The following ELMO1 variants were observed in gnomAD, a reference collection of about 807,000 sequenced individuals.
ELMO1 encodes engulfment and cell motility protein 1.
In ELMO1, 26 loss-of-function variants were observed where a neutral mutation model predicts 98.9. The observed-to-expected ratio is 0.26, with a 90% CI of 0.19 to 0.36. ELMO1 has a LOEUF of 0.36. ELMO1 is among the 10% of genes least tolerant of loss of function. The probability of loss-of-function intolerance (pLI) is 1.00; values close to 1 mark genes in which losing one functional copy is unlikely to be tolerated. For missense variants in ELMO1, 627 were observed against 935.2 expected (o/e 0.67, Z 4.30); for synonymous variants, 346 against 346.0 (o/e 1.00, Z 0.00).
chr7:37,161,905 AATAT>A (rs6150082), intron 13 of ELMO1, among the ~76,000 whole-genome samples: 1,373 of 42,440 alleles, frequency 0.032, 227 homozygotes, highest in Middle Eastern at 0.045. Flanking sequence ...CAGGTAATCA[AATAT>A]ATATATATAT....
chr7:36,994,876 C>CACT (rs1399731337), intron 16 of ELMO1, among the ~76,000 whole-genome samples: 1 of 152,174 alleles, frequency 6.6e-6, no homozygotes, highest in Admixed American at 6.5e-5. Flanking sequence ...AGATGCTGGG[C>CACT]ACTAGCTGGG....
chr7:37,184,476 T>A lies in ELMO1; in HGVS notation c.1086+26910A>T, dbSNP rs77540618. ...AGACACTTGTTGATATGGGCTCCTG[T>A]AATTGCTCTACACGGTCAAGGCCAA... On this transcript the variant is annotated intron_variant, in intron 13 of 21. Transcript: ENST00000310758. 3.0e-3 allele frequency among the ~76,000 whole-genome samples: 451 copies of A among 152,214 alleles called. 4 individuals carry two copies. Among genetic ancestry groups the A allele is most frequent in the African/African-American group, 0.01 (419 of 41,510 alleles).
chr7:36,892,468 G>A (rs1805641995), intron 17 of ELMO1, among the ~76,000 whole-genome samples: 1 of 152,170 alleles, frequency 6.6e-6, no homozygotes, highest in African/African-American at 2.4e-5. Context: ...GTGACAGAGG[G>A]AGACCAAGTG....
At chr7:37,069,394 CA>C (rs1797153350) in intron 15 of ELMO1, among the ~76,000 whole-genome samples, 1 of 152,122 alleles carries the variant, frequency 6.6e-6, no homozygotes, top group Non-Finnish European at 1.5e-5. Context: ...CTGATAAAGT[CA>C]AAACAAATCC....
At chr7:37,201,051 G>C (rs915405072) in intron 13 of ELMO1, among the ~76,000 whole-genome samples, 25 of 152,176 alleles carry the variant, frequency 1.6e-4, no homozygotes, top group Middle Eastern at 6.8e-3. Context: ...AGGCTCGAAT[G>C]CTCCCTACCA....
chr7:36,870,515 T>A lies in ELMO1; in HGVS notation c.1823-40A>T. ...AGAAAATGCAAGTAACTACACCATG[T>A]GAAAACTTTGATGTCAATAAAGAAA... On this transcript the variant is annotated intron_variant, in intron 19 of 21. Coordinates refer to ENST00000310758, the MANE Select transcript of ELMO1 (RefSeq NM_014800.11). The surrounding 1 kb of genome is among the most constrained non-coding windows in gnomAD (Gnocchi z 4.4). 2 of 1,594,658 alleles carry A rather than the reference T, an allele frequency of 1.3e-6. No homozygotes were observed. The highest frequency in any genetic ancestry group is 1.7e-6 in the Non-Finnish European group (2 of 1,167,472).
intron 14 of ELMO1, among the ~76,000 whole-genome samples, chr7:37,118,407 A>G (rs1157721617): frequency 6.6e-6 from 1 of 152,232 alleles, no homozygotes; most frequent in African/African-American, 2.4e-5. Flanking sequence ...AAACTGGGAA[A>G]CATGCCTTTT....
chr7:37,369,270 G>GT (rs1186691441), intron 1 of ELMO1, among the ~76,000 whole-genome samples: 1 of 152,058 alleles, frequency 6.6e-6, no homozygotes, highest in Non-Finnish European at 1.5e-5. Context: ...GACCAGAAGT[G>GT]TTTCAGATTT....
In ELMO1 at chr7:36,854,446, A is replaced by C. The variant is rs185419599; in HGVS notation, c.*1105T>G. The C allele has an allele frequency of 7.2e-5, 11 of 152,532 alleles. No individual in the cohort carries two copies. The highest frequency in any genetic ancestry group is 6.2e-4 in the South Asian group (3 of 4,810). The allele number at this position is 152,532 out of a possible 1,614,324, so 9.4% of individuals were successfully genotyped here. On this transcript the variant is annotated 3_prime_UTR_variant, in exon 22 of 22. Transcript: ENST00000310758. ...TTGGGATTAAAATAATTAAAAAAAAACTGGAAATTCACACATTTATGTATC... is the reference window on the plus strand; with the variant it reads ...TTGGGATTAAAATAATTAAAAAAAACCTGGAAATTCACACATTTATGTATC...
At chr7:37,196,310 C>T (rs1349167590) in intron 13 of ELMO1, among the ~76,000 whole-genome samples, 2 of 152,208 alleles carry the variant, frequency 1.3e-5, no homozygotes, top group African/African-American at 4.8e-5. Flanking sequence ...AACACTGGCC[C>T]TGCCACTTGC....
At chr7:37,199,909 T>TTGAGTTATC (rs1007655879) in intron 13 of ELMO1, among the ~76,000 whole-genome samples, 119 of 152,270 alleles carry the variant, frequency 7.8e-4, no homozygotes, top group African/African-American at 2.7e-3. Context: ...CCACGAGACC[T>TTGAGTTATC]TGAGTTATCT....
Position 37,057,789 on chromosome 7 carries a change from T to C in ELMO1, c.1300+38830A>G, listed in dbSNP as rs1796464968. ...TTCCAAGCTTCATCTAAAAATTGGG[T>C]TTAGAGGAGGGGAGTACTGGCAGTT... On this transcript the variant is annotated intron_variant, in intron 15 of 21. Transcript: ENST00000310758. 2.0e-5 allele frequency among the ~76,000 whole-genome samples: 3 copies of C among 152,204 alleles called. No homozygotes were observed. In the South Asian group the frequency reaches 6.2e-4, roughly 32 times the overall value.
intron 4 of ELMO1, 150 bp from the exon 5 acceptor site, chr7:37,272,032 TTCTA>T (rs1479441472): frequency 3.0e-6 from 2 of 677,724 alleles, no homozygotes; most frequent in Non-Finnish European, 4.9e-6. Context: ...GCTGTTAACT[TTCTA>T]TCTGACAATA....
chr7:36,975,750 G>A (rs886186480), intron 16 of ELMO1, among the ~76,000 whole-genome samples: 3 of 150,992 alleles, frequency 2.0e-5, no homozygotes, highest in Admixed American at 1.3e-4. Context: ...GGGAGGCTAA[G>A]GCAGGAGAAT....
chr7:37,371,321 C>A (rs1313379777), intron 1 of ELMO1, among the ~76,000 whole-genome samples: 28 of 152,174 alleles, frequency 1.8e-4, no homozygotes, highest in Admixed American at 1.8e-3. Flanking sequence ...GTATTGCTAG[C>A]ATTCTATTTC....
intron 14 of ELMO1, among the ~76,000 whole-genome samples, chr7:37,126,161 T>C (rs1214052689): frequency 6.8e-6 from 1 of 147,694 alleles, no homozygotes; most frequent in South Asian, 2.2e-4. Context: ...GTGGGAGGAG[T>C]GGGGAGGGAT....
chr7:37,209,160 T>C (rs1216343200), intron 13 of ELMO1, among the ~76,000 whole-genome samples: 1 of 152,168 alleles, frequency 6.6e-6, no homozygotes, highest in Non-Finnish European at 1.5e-5. Flanking sequence ...TGTACTCTGA[T>C]TTTGGAATAC....
At chr7:36,937,781 T>C (rs1786676287) in intron 16 of ELMO1, among the ~76,000 whole-genome samples, 1 of 152,226 alleles carries the variant, frequency 6.6e-6, no homozygotes. Context: ...GTTTGCTCAG[T>C]CTTTTTATTT....
intron 4 of ELMO1, among the ~76,000 whole-genome samples, chr7:37,311,857 G>A (rs1426336636): frequency 6.6e-6 from 1 of 152,144 alleles, no homozygotes; most frequent in Non-Finnish European, 1.5e-5. Flanking sequence ...CAGACTTTGT[G>A]GCCAGTCCTT....
Sources: allele counts gnomAD v4.1 joint callset (sites outside exome capture counted in the v4.1 genomes callset), GRCh38; gene constraint gnomAD v4.1.1; non-coding constraint Gnocchi (gnomAD v3.1); transcripts MANE v1.5; gene names NCBI Gene and HGNC (gene_info 2026-07-23, HGNC 2026-07-21).